MDGA2: variants seen among roughly 807,000 people sequenced by gnomAD.
MDGA2 encodes the protein MAM domain-containing glycosylphosphatidylinositol anchor protein 2.
A neutral mutation model predicts 117.8 loss-of-function variants in MDGA2; 40 were observed. That is an observed-to-expected ratio of 0.34 (90% CI 0.26 to 0.44). The LOEUF (loss-of-function observed/expected upper bound fraction) is 0.44. Ranked by LOEUF, MDGA2 falls within the 20% of genes least tolerant of loss-of-function variation. MDGA2 has a pLI of 1.00. For missense variants in MDGA2, 1,123 were observed against 1,250.6 expected (o/e 0.90, Z 1.54); for synonymous variants, 452 against 439.0 (o/e 1.03, Z -0.37).
intron 14 of MDGA2, among the ~76,000 whole-genome samples, chr14:46,856,144 C>T (rs1188991419): frequency 6.6e-6 from 1 of 151,972 alleles, no homozygotes; most frequent in African/African-American, 2.4e-5. Context: ...AAACAATTTG[C>T]TCTATGTCAT....
chr14:47,467,605 G>A (rs1893630936), intron 1 of MDGA2, among the ~76,000 whole-genome samples: 1 of 152,054 alleles, frequency 6.6e-6, no homozygotes, highest in Non-Finnish European at 1.5e-5. Flanking sequence ...AAGTCTCTGA[G>A]AGCCATTTTG....
chr14:46,881,338 T>C (rs1882450955), intron 11 of MDGA2, among the ~76,000 whole-genome samples: 1 of 152,142 alleles, frequency 6.6e-6, no homozygotes, highest in African/African-American at 2.4e-5. Flanking sequence ...AAACATATCA[T>C]TGGTTGCCCG....
At chr14:46,885,551 T>G (rs574462780) in intron 10 of MDGA2, among the ~76,000 whole-genome samples, 1 of 152,306 alleles carries the variant, frequency 6.6e-6, no homozygotes, top group East Asian at 1.9e-4. Context: ...AGAAACTTTT[T>G]AAAGATTAAC....
chr14:47,163,389 A>T (rs577200584), intron 3 of MDGA2, among the ~76,000 whole-genome samples: 78 of 152,190 alleles, frequency 5.1e-4, no homozygotes, highest in African/African-American at 1.7e-3. Flanking sequence ...CCTGGTGGGA[A>T]TCATGACTGA....
chr14:47,014,010 G>A (rs1887994926), intron 8 of MDGA2, among the ~76,000 whole-genome samples: 1 of 151,742 alleles, frequency 6.6e-6, no homozygotes, highest in Non-Finnish European at 1.5e-5. Flanking sequence ...GGCCAGGCTG[G>A]TCTTGAACTC....
At chr14:47,492,833 T>C (rs896159475) in intron 1 of MDGA2, among the ~76,000 whole-genome samples, 2 of 152,126 alleles carry the variant, frequency 1.3e-5, no homozygotes, top group African/African-American at 4.8e-5. Context: ...ATTATTTCCA[T>C]GACAGACTTG....
At chr14:47,229,216 C>G (rs1424977916) in intron 2 of MDGA2, among the ~76,000 whole-genome samples, 1 of 152,064 alleles carries the variant, frequency 6.6e-6, no homozygotes, top group Non-Finnish European at 1.5e-5. Context: ...GAAAAAGCTC[C>G]TTAAAAGGAG....
At chr14:46,846,302 A>C (rs1880836131) in intron 15 of MDGA2, among the ~76,000 whole-genome samples, 4 of 152,164 alleles carry the variant, frequency 2.6e-5, no homozygotes, top group African/African-American at 9.6e-5. Flanking sequence ...TGAATTCTTT[A>C]CAACAGTAAT....
At chr14:46,984,199 C>A (rs961438763) in intron 8 of MDGA2, among the ~76,000 whole-genome samples, 2 of 151,902 alleles carry the variant, frequency 1.3e-5, no homozygotes, top group Non-Finnish European at 2.9e-5. Flanking sequence ...CTCAGTATTT[C>A]ATTTTCCTGG....
At chr14:47,184,933 A>C (rs1935093369) in intron 3 of MDGA2, among the ~76,000 whole-genome samples, 1 of 151,506 alleles carries the variant, frequency 6.6e-6, no homozygotes, top group Non-Finnish European at 1.5e-5. Flanking sequence ...CATTAAAAGA[A>C]TAAATAAAAC....
At chr14:47,150,235 T>C (rs1883109037) in intron 3 of MDGA2, among the ~76,000 whole-genome samples, 1 of 152,174 alleles carries the variant, frequency 6.6e-6, no homozygotes, top group Non-Finnish European at 1.5e-5. Context: ...CCCGTAAGAT[T>C]CCCCTTGTTC....
intron 3 of MDGA2, among the ~76,000 whole-genome samples, chr14:47,210,844 C>A (rs1466829641): frequency 6.6e-6 from 1 of 152,052 alleles, no homozygotes; most frequent in Non-Finnish European, 1.5e-5. Context: ...CAAAGCAAGA[C>A]CCCACTATGC....
At chr14:46,919,627 G>A (rs1884046669) in intron 10 of MDGA2, among the ~76,000 whole-genome samples, 1 of 152,022 alleles carries the variant, frequency 6.6e-6, no homozygotes, top group African/African-American at 2.4e-5. Context: ...ACAACTTCTG[G>A]CTTCTTAGGA....
At chr14:47,573,079 AC>A (rs1234699546) in intron 1 of MDGA2, among the ~76,000 whole-genome samples, 5 of 151,926 alleles carry the variant, frequency 3.3e-5, no homozygotes, top group Admixed American at 6.6e-5. Flanking sequence ...CCAACGACCA[AC>A]CCCTCTGCAA....
intron 2 of MDGA2, among the ~76,000 whole-genome samples, chr14:47,229,649 T>A (rs927898007): frequency 2.0e-5 from 3 of 151,316 alleles, no homozygotes; most frequent in Non-Finnish European, 4.4e-5. Context: ...TGCTATATTT[T>A]AAAAATCTAA....
intron 14 of MDGA2, among the ~76,000 whole-genome samples, chr14:46,872,288 A>C (rs1882037095): frequency 6.6e-6 from 1 of 151,964 alleles, no homozygotes; most frequent in African/African-American, 2.4e-5. Flanking sequence ...TCACTTTATT[A>C]ATTTATATAA....
chr14:46,978,572 CA>C (rs1886553975), intron 8 of MDGA2, among the ~76,000 whole-genome samples: 1 of 151,950 alleles, frequency 6.6e-6, no homozygotes. Context: ...AGAGAAGAAG[CA>C]ATGCACTTTT....
At chr14:47,034,607 C>T (rs556321684) in intron 8 of MDGA2, among the ~76,000 whole-genome samples, 18 of 152,158 alleles carry the variant, frequency 1.2e-4, no homozygotes, top group African/African-American at 3.9e-4. Flanking sequence ...GAAGTAAAAA[C>T]ATGGACTGTG....
chr14:47,362,203 T>C (rs1265635515), intron 1 of MDGA2, among the ~76,000 whole-genome samples: 3 of 152,198 alleles, frequency 2.0e-5, no homozygotes, highest in Admixed American at 6.5e-5. Context: ...AAAGGGAATA[T>C]AGACATCTTC....
Sources: allele counts gnomAD v4.1 joint callset (sites outside exome capture counted in the v4.1 genomes callset), GRCh38; gene constraint gnomAD v4.1.1; transcripts MANE v1.5; gene names NCBI Gene and HGNC (gene_info 2026-07-23, HGNC 2026-07-21).